KLHL1: variants seen among roughly 807,000 people sequenced by gnomAD.
KLHL1 encodes the protein kelch-like protein 1.
Under a neutral mutation model 77.7 loss-of-function variants are expected in KLHL1, and 47 were observed. That is an observed-to-expected ratio of 0.60 (90% CI 0.48 to 0.77). KLHL1 has a LOEUF of 0.77. Ranked by LOEUF, KLHL1 falls within the 30% of genes least tolerant of loss-of-function variation. The pLI, the probability that KLHL1 is intolerant of heterozygous loss-of-function variation, is 0.00. For synonymous variants in KLHL1, 360 were observed against 325.2 expected, an observed-to-expected ratio of 1.11 and a Z score of -1.15; for missense variants, 925 against 910.8, an observed-to-expected ratio of 1.02 and a Z score of -0.20.
chr13:69,702,983 T>C (rs1041438841), intron 10 of KLHL1, among the ~76,000 whole-genome samples: 5 of 151,736 alleles, frequency 3.3e-5, no homozygotes, highest in Non-Finnish European at 1.5e-5. Flanking sequence ...ACAGCATCAA[T>C]GTATGCAAAC....
intron 3 of KLHL1, among the ~76,000 whole-genome samples, chr13:69,954,428 T>C (rs1049943823): frequency 6.6e-6 from 1 of 151,300 alleles, no homozygotes; most frequent in Non-Finnish European, 1.5e-5. Context: ...ATTCAATTCT[T>C]AGCTTCTCAC....
intron 4 of KLHL1, among the ~76,000 whole-genome samples, chr13:69,903,759 A>C (rs942950887): frequency 1.4e-5 from 2 of 142,632 alleles, no homozygotes; most frequent in Admixed American, 7.7e-5. Flanking sequence ...CTCCTGCCTC[A>C]GCCTCCCGAG....
At chr13:70,071,669 T>TA (rs1421917924) in intron 1 of KLHL1, among the ~76,000 whole-genome samples, 2 of 151,664 alleles carry the variant, frequency 1.3e-5, no homozygotes, top group Non-Finnish European at 2.9e-5. Flanking sequence ...TAAAAGTCAA[T>TA]AAAAAAGGAT....
chr13:69,889,119 C>G (rs1490263949), intron 4 of KLHL1, among the ~76,000 whole-genome samples: 3 of 152,046 alleles, frequency 2.0e-5, no homozygotes, highest in Middle Eastern at 3.4e-3. Flanking sequence ...AGAAAGACAT[C>G]TCCCTTCAAG....
At chr13:70,049,998 C>A (rs962958083) in intron 1 of KLHL1, among the ~76,000 whole-genome samples, 9 of 151,448 alleles carry the variant, frequency 5.9e-5, no homozygotes, top group Admixed American at 1.3e-4. Context: ...ATAGAAAAAA[C>A]AAAAAATTAA....
rs186516940 is a variant in KLHL1 at position 69,939,496 on chromosome 13, G to A, written c.1014+544C>T. Among the ~76,000 whole-genome samples, 75 of 151,528 alleles carry A rather than the reference G, an allele frequency of 4.9e-4. 2 individuals carry two copies. The East Asian group carries it at 0.014, about 28-fold the overall frequency. ...ACCAAGTACAATATGCTGTGACGGA[G>A]AGGTTTAAAAAATGCAGAAAAATGT... On this transcript the variant is annotated intron_variant, in intron 4 of 10. Coordinates refer to ENST00000377844, the MANE Select transcript of KLHL1 (RefSeq NM_020866.3).
intron 6 of KLHL1, among the ~76,000 whole-genome samples, chr13:69,816,456 G>T (rs1172829107): frequency 6.6e-6 from 1 of 151,660 alleles, no homozygotes; most frequent in Non-Finnish European, 1.5e-5. Flanking sequence ...TAGAGACGGG[G>T]TTTCACCATG....
intron 7 of KLHL1, among the ~76,000 whole-genome samples, chr13:69,744,452 G>A (rs941276240): frequency 6.6e-6 from 1 of 151,176 alleles, no homozygotes; most frequent in Non-Finnish European, 1.5e-5. Context: ...ATTGCTGAGA[G>A]GTTACATGAC....
chr13:70,027,655 T>TTTTTTTTTG (rs1885988103), intron 1 of KLHL1, among the ~76,000 whole-genome samples: 1 of 149,742 alleles, frequency 6.7e-6, no homozygotes, highest in African/African-American at 2.4e-5. Flanking sequence ...GTAAGTTGTT[T>TTTTTTTTTG]TTTTTTTTTT....
At chr13:69,817,728 T>A (rs1472735922) in intron 6 of KLHL1, among the ~76,000 whole-genome samples, 2 of 152,112 alleles carry the variant, frequency 1.3e-5, no homozygotes, top group African/African-American at 4.8e-5. Context: ...GGAGATTTAG[T>A]GTGGAGGAAA....
intron 1 of KLHL1, among the ~76,000 whole-genome samples, chr13:70,055,465 A>C (rs944013849): frequency 1.3e-5 from 2 of 152,170 alleles, no homozygotes; most frequent in African/African-American, 4.8e-5. Context: ...GCAATAAGAA[A>C]TCCTCAGAAG....
At chr13:69,808,515 C>T (rs986661205) in intron 6 of KLHL1, among the ~76,000 whole-genome samples, 5 of 151,940 alleles carry the variant, frequency 3.3e-5, no homozygotes, top group Admixed American at 6.6e-5. Flanking sequence ...ACACCATATA[C>T]GCCACAGTCA....
chr13:70,039,098 A>G (rs1294718884), intron 1 of KLHL1, among the ~76,000 whole-genome samples: 2 of 118,934 alleles, frequency 1.7e-5, no homozygotes, highest in African/African-American at 6.3e-5. Context: ...GTGTTACTCT[A>G]TTTCCCAAGC....
chr13:69,719,539 A>G lies in KLHL1; in HGVS notation c.1845T>C (p.Ser615=), dbSNP rs1872947576. ...TATGAGGATCATAATATTCCATTGA[A>G]CTCAAACAGGAACTTCCATCACGAC... ...VGGRDGSSCL[S]SMEYYDPHTN... Residue 615 remains serine, a synonymous_variant, in exon 9 of 11, where the codon AGT becomes AGC. Coordinates refer to ENST00000377844, the MANE Select transcript of KLHL1 (RefSeq NM_020866.3). 6.2e-7 allele frequency: 1 copy of G among 1,613,212 alleles called. No homozygotes were observed. The highest frequency in any genetic ancestry group is 1.3e-5 in the African/African-American group (1 of 74,816).
At chr13:69,953,607 A>G (rs535593092) in intron 3 of KLHL1, among the ~76,000 whole-genome samples, 33 of 151,326 alleles carry the variant, frequency 2.2e-4, no homozygotes, top group South Asian at 6.2e-4. Flanking sequence ...CAATTAAGAT[A>G]AAATATGATA....
intron 8 of KLHL1, among the ~76,000 whole-genome samples, chr13:69,731,904 T>G (rs910362574): frequency 2.6e-5 from 4 of 152,034 alleles, no homozygotes. Context: ...AAACAAAGCA[T>G]GTAGAAGTTT....
chr13:69,889,609 T>A (rs1881351308), intron 4 of KLHL1, among the ~76,000 whole-genome samples: 2 of 152,088 alleles, frequency 1.3e-5, no homozygotes, highest in Admixed American at 1.3e-4. Context: ...GGATTTTATT[T>A]ACAACTCTTA....
chr13:69,932,354 CTG>C (rs1019172945), intron 4 of KLHL1, among the ~76,000 whole-genome samples: 56 of 151,630 alleles, frequency 3.7e-4, no homozygotes, highest in African/African-American at 1.3e-3. Context: ...TTGTGGAAGA[CTG>C]TGCTTTATAA....
intron 4 of KLHL1, among the ~76,000 whole-genome samples, chr13:69,898,157 A>G (rs1881715017): frequency 6.6e-6 from 1 of 152,196 alleles, no homozygotes; most frequent in South Asian, 2.1e-4. Context: ...CTCTCCACCA[A>G]ATAATTCCTG....
Sources: gnomAD v4.1 joint callset for allele counts (sites outside exome capture counted in the v4.1 genomes callset) on GRCh38, gnomAD v4.1.1 for gene constraint, MANE v1.5 for transcripts, NCBI Gene and HGNC (gene_info 2026-07-23, HGNC 2026-07-21) for gene names.